The following MMP16 variants were observed in gnomAD, a reference collection of about 807,000 sequenced individuals.
MMP16 encodes matrix metalloproteinase-16.
A neutral mutation model predicts 67.8 loss-of-function variants in MMP16; 12 were observed. The ratio of observed to expected loss-of-function variants is 0.18; its 90% CI spans 0.11 to 0.29. The LOEUF (loss-of-function observed/expected upper bound fraction) is 0.29, where lower values mean the gene tolerates loss of function less well. Ranked by LOEUF, MMP16 falls within the 10% of genes least tolerant of loss-of-function variation. MMP16 has a pLI of 1.00. For missense variants in MMP16, 475 were observed against 765.7 expected (o/e 0.62, Z 4.48); for synonymous variants, 249 against 255.9 (o/e 0.97, Z 0.26).
intron 1 of MMP16, among the ~76,000 whole-genome samples, chr8:88,325,293 C>CA (rs1271500435): frequency 3.3e-5 from 5 of 152,198 alleles, no homozygotes; most frequent in African/African-American, 1.2e-4. Flanking sequence ...TTTAGTCTCA[C>CA]AAAAAATCTA....
intron 6 of MMP16, among the ~76,000 whole-genome samples, chr8:88,097,797 C>T (rs1028866021): frequency 8.6e-5 from 13 of 151,636 alleles, no homozygotes; most frequent in African/African-American, 3.1e-4. Context: ...TTGAAGGAGG[C>T]CTTAATAGTT....
At chr8:88,122,744 T>A (rs1807860335) in intron 4 of MMP16, among the ~76,000 whole-genome samples, 1 of 151,018 alleles carries the variant, frequency 6.6e-6, no homozygotes. Context: ...GCCTCCGAGA[T>A]GACAACAGTG....
intron 6 of MMP16, among the ~76,000 whole-genome samples, chr8:88,080,906 T>A (rs1252984588): frequency 6.6e-6 from 1 of 152,170 alleles, no homozygotes; most frequent in East Asian, 1.9e-4. Flanking sequence ...TTTATATGAA[T>A]GCTTAAAAGG....
rs1230402380 is a variant in MMP16, at chr8:88,146,368, G to A, written c.709+21301C>T. Reference sequence around the variant, plus strand: ...TGCCGACTCCTTTACATCTACTCATGTATTTTTGTCCTTATTCTACTCTTC... The same window carrying A: ...TGCCGACTCCTTTACATCTACTCATATATTTTTGTCCTTATTCTACTCTTC... On this transcript the variant is annotated intron_variant, in intron 4 of 9. Coordinates refer to ENST00000286614, the MANE Select transcript of MMP16 (RefSeq NM_005941.5). Among the ~76,000 whole-genome samples, 5 of 152,000 alleles carry A rather than the reference G, an allele frequency of 3.3e-5. No homozygotes were observed. In the East Asian group the frequency reaches 7.7e-4, roughly 23 times the overall value.
chr8:88,037,507 C>T lies in MMP16; in HGVS notation c.*3954G>A, dbSNP rs138242079. 6.6e-6 allele frequency: 1 copy of T among 151,950 alleles called. No homozygotes were observed. Among genetic ancestry groups the T allele is most frequent in the Non-Finnish European group, 1.5e-5 (1 of 67,830 alleles). The allele number at this position is 151,950 out of a possible 1,614,324, so 9.4% of individuals were successfully genotyped here. ...ATCACATCGATTCAGAAAAGCCTTG[C>T]CCTCTGATTTATAACAGAAGTTGTC... On this transcript the variant is annotated 3_prime_UTR_variant, in exon 10 of 10. Transcript: ENST00000286614.
chr8:88,218,367 G>C (rs1809626660), intron 1 of MMP16, among the ~76,000 whole-genome samples: 1 of 151,934 alleles, frequency 6.6e-6, no homozygotes, highest in Non-Finnish European at 1.5e-5. Flanking sequence ...AATTAAAGGG[G>C]ACAAACTTTC....
At chr8:88,202,758 CAG>C (rs1380046384) in intron 1 of MMP16, among the ~76,000 whole-genome samples, 3 of 152,024 alleles carry the variant, frequency 2.0e-5, no homozygotes, top group Non-Finnish European at 4.4e-5. Flanking sequence ...CTGAAGTAGA[CAG>C]AAATAATTAC....
chr8:88,148,813 A>G (rs917892971), intron 4 of MMP16, among the ~76,000 whole-genome samples: 3 of 152,204 alleles, frequency 2.0e-5, no homozygotes, highest in African/African-American at 7.2e-5. Context: ...TCTACATGTT[A>G]CTTGTTAAAA....
At chr8:88,230,137 G>A (rs1046531578) in intron 1 of MMP16, among the ~76,000 whole-genome samples, 8 of 151,930 alleles carry the variant, frequency 5.3e-5, no homozygotes, top group East Asian at 1.9e-4. Flanking sequence ...AAGGATTCTC[G>A]AACTTTATTG....
At chr8:88,320,752 A>G (rs1263910337) in intron 1 of MMP16, among the ~76,000 whole-genome samples, 1 of 152,110 alleles carries the variant, frequency 6.6e-6, no homozygotes, top group Non-Finnish European at 1.5e-5. Flanking sequence ...AAGCAGCTCA[A>G]TAGCTCCCTC....
chr8:88,163,343 T>C (rs1808661500), intron 4 of MMP16, among the ~76,000 whole-genome samples: 1 of 152,134 alleles, frequency 6.6e-6, no homozygotes, highest in African/African-American at 2.4e-5. Context: ...TTAACGGTTT[T>C]GATGTCTCAG....
At chr8:88,185,393 A>G (rs1168699229) in intron 3 of MMP16, among the ~76,000 whole-genome samples, 2 of 152,106 alleles carry the variant, frequency 1.3e-5, no homozygotes, top group Non-Finnish European at 2.9e-5. Flanking sequence ...TGGGAAGTGG[A>G]AGTTGCAGTG....
At chr8:88,096,352 A>G (rs990430652) in intron 6 of MMP16, among the ~76,000 whole-genome samples, 2 of 152,038 alleles carry the variant, frequency 1.3e-5, no homozygotes, top group Non-Finnish European at 1.5e-5. Flanking sequence ...TGATATTTTA[A>G]TAACTAATTT....
Position 88,250,882 on chromosome 8 carries a change from T to G in MMP16, c.133-53576A>C, listed in dbSNP as rs531981172. ...ATGCTGGTGTGCTGCACCCACTAACTCATCATCTAGCATTAGTTATATCTC... is the reference window on the plus strand; with the variant it reads ...ATGCTGGTGTGCTGCACCCACTAACGCATCATCTAGCATTAGTTATATCTC... On this transcript the variant is annotated intron_variant, in intron 1 of 9. Coordinates refer to ENST00000286614, the MANE Select transcript of MMP16 (RefSeq NM_005941.5). Among the ~76,000 whole-genome samples the G allele has an allele frequency of 3.3e-5, 5 of 151,370 alleles. No homozygotes were observed. The South Asian group carries it at 1.0e-3, about 32-fold the overall frequency.
chr8:88,177,933 A>G (rs1808918967), intron 3 of MMP16, among the ~76,000 whole-genome samples: 1 of 151,996 alleles, frequency 6.6e-6, no homozygotes, highest in Non-Finnish European at 1.5e-5. Flanking sequence ...TGAGATATAT[A>G]TATATGAGAT....
intron 2 of MMP16, among the ~76,000 whole-genome samples, chr8:88,193,253 A>G (rs1227236068): frequency 6.6e-6 from 1 of 152,204 alleles, no homozygotes; most frequent in African/African-American, 2.4e-5. Flanking sequence ...AATTTGCAGC[A>G]ACGTGGGATA....
intron 1 of MMP16, among the ~76,000 whole-genome samples, chr8:88,251,128 T>C (rs537695857): frequency 6.6e-6 from 1 of 152,142 alleles, no homozygotes; most frequent in South Asian, 2.1e-4. Flanking sequence ...TATGGCTGCA[T>C]AGTATTCCAT....
intron 6 of MMP16, among the ~76,000 whole-genome samples, chr8:88,081,409 A>G (rs1308227854): frequency 2.0e-5 from 3 of 152,134 alleles, no homozygotes; most frequent in African/African-American, 7.2e-5. Flanking sequence ...ATAACACCCT[A>G]TGTTAGACTC....
chr8:88,288,691 T>C (rs1810872117), intron 1 of MMP16, among the ~76,000 whole-genome samples: 1 of 152,216 alleles, frequency 6.6e-6, no homozygotes, highest in Non-Finnish European at 1.5e-5. Context: ...TTCTCATATA[T>C]TCCTATTGGG....
Sources: allele counts gnomAD v4.1 joint callset (sites outside exome capture counted in the v4.1 genomes callset), GRCh38; gene constraint gnomAD v4.1.1; transcripts MANE v1.5; gene names NCBI Gene and HGNC (gene_info 2026-07-23, HGNC 2026-07-21).